The following NPAS3 variants were observed in gnomAD, a reference collection of about 807,000 sequenced individuals.
NPAS3 encodes the protein neuronal PAS domain-containing protein 3.
NPAS3 carries 14 observed loss-of-function variants against 73.1 expected under a neutral mutation model. That is an observed-to-expected ratio of 0.19 (90% CI 0.13 to 0.30). NPAS3 has a LOEUF of 0.30. Among genes scored for constraint, NPAS3 ranks in the 10% least tolerant of loss-of-function variants. The probability of loss-of-function intolerance (pLI) is 1.00; values close to 1 mark genes in which losing one functional copy is unlikely to be tolerated. For synonymous variants in NPAS3, 620 were observed against 541.5 expected (o/e 1.14, Z -2.01); for missense variants, 1,096 against 1,250.0 (o/e 0.88, Z 1.86).
chr14:33,185,502 C>T (rs1012030515), intron 2 of NPAS3, among the ~76,000 whole-genome samples: 1 of 152,140 alleles, frequency 6.6e-6, no homozygotes, highest in African/African-American at 2.4e-5. Flanking sequence ...ATCATTTCCT[C>T]CTATATTTAT....
chr14:33,634,187 G>T (rs2058453833), intron 5 of NPAS3, among the ~76,000 whole-genome samples: 1 of 152,160 alleles, frequency 6.6e-6, no homozygotes, highest in Admixed American at 6.5e-5. Context: ...CTTGCACTTT[G>T]CCAGGCACTA....
rs1001553378 is a variant in NPAS3 at position 33,797,635 on chromosome 14, G to C, written c.1426+54G>C. On this transcript the variant is annotated intron_variant, in intron 11 of 11. Transcript: ENST00000356141. ...AGTGAAGCTTGCCCACCACGCGCAG[G>C]GGGTGGGCAACAGCCAGAGGGCCAT... The C allele has an allele frequency of 4.4e-6, 7 of 1,591,582 alleles. No individual in the cohort carries two copies. In the Admixed American group the frequency reaches 5.1e-5, roughly 12 times the overall value.
intron 3 of NPAS3, among the ~76,000 whole-genome samples, chr14:33,228,270 A>C (rs777593058): frequency 1.6e-4 from 25 of 152,208 alleles, no homozygotes; most frequent in Non-Finnish European, 3.4e-4. Context: ...CATTTGATAA[A>C]GTGGAGGATA....
chr14:33,359,054 C>A (rs772945015), intron 3 of NPAS3, among the ~76,000 whole-genome samples: 5 of 152,142 alleles, frequency 3.3e-5, no homozygotes, highest in Non-Finnish European at 5.9e-5. Flanking sequence ...CTTCTTCTGG[C>A]AGGAAGCAAG....
intron 2 of NPAS3, among the ~76,000 whole-genome samples, chr14:33,138,762 T>A: frequency 6.6e-6 from 1 of 152,294 alleles, no homozygotes; most frequent in South Asian, 2.1e-4. Context: ...AAAATTTATA[T>A]GAAATTCTGC....
chr14:33,543,719 C>T (rs4462504), intron 4 of NPAS3, among the ~76,000 whole-genome samples: 65,532 of 151,800 alleles, frequency 0.43, 15,269 homozygotes, highest in African/African-American at 0.63. Context: ...TCTTGTCCCA[C>T]CTCTGCTTTG....
At chr14:33,676,168 C>G (rs1049933969) in intron 5 of NPAS3, 43 bp from the exon 6 acceptor site, 1 of 1,596,760 alleles carries the variant, frequency 6.3e-7, no homozygotes, top group Non-Finnish European at 8.6e-7. Context: ...ATGGAGAAGC[C>G]TATATAATGT....
intron 7 of NPAS3, among the ~76,000 whole-genome samples, chr14:33,757,998 G>A (rs72664573): frequency 2.0e-5 from 3 of 152,176 alleles, no homozygotes; most frequent in Non-Finnish European, 1.5e-5. Context: ...CCTTATAAAG[G>A]TTAATTAAAC....
intron 4 of NPAS3, among the ~76,000 whole-genome samples, chr14:33,445,568 A>T (rs1402093766): frequency 6.6e-6 from 1 of 152,254 alleles, no homozygotes; most frequent in South Asian, 2.1e-4. Flanking sequence ...ATAACAAAAA[A>T]TATGTTGACA....
At chr14:33,155,915 A>G (rs1017998765) in intron 2 of NPAS3, among the ~76,000 whole-genome samples, 2 of 152,248 alleles carry the variant, frequency 1.3e-5, no homozygotes, top group Admixed American at 6.5e-5. Context: ...CTCTCTCTTC[A>G]GATGCCCTCT....
intron 7 of NPAS3, among the ~76,000 whole-genome samples, chr14:33,755,867 C>T (rs769710943): frequency 1.3e-5 from 2 of 151,976 alleles, no homozygotes; most frequent in East Asian, 1.9e-4. Flanking sequence ...CTGGCAGGTG[C>T]GGTGATGCCA....
At chr14:33,182,905 C>T (rs186439831) in intron 2 of NPAS3, among the ~76,000 whole-genome samples, 2 of 152,338 alleles carry the variant, frequency 1.3e-5, no homozygotes, top group Admixed American at 1.3e-4. Flanking sequence ...CACTGTCTCT[C>T]ATGCTCTGCC....
chr14:33,068,910 G>A (rs2041377229), intron 2 of NPAS3, among the ~76,000 whole-genome samples: 1 of 152,134 alleles, frequency 6.6e-6, no homozygotes, highest in Admixed American at 6.5e-5. Flanking sequence ...ACAGTGGCAG[G>A]AGACAGGTCA....
chr14:33,471,105 G>T (rs1415171086), intron 4 of NPAS3, among the ~76,000 whole-genome samples: 2 of 152,104 alleles, frequency 1.3e-5, no homozygotes, highest in African/African-American at 4.8e-5. Context: ...TAGCTCTTCT[G>T]AGTTAATAAC....
intron 10 of NPAS3, among the ~76,000 whole-genome samples, chr14:33,796,555 C>T (rs1436565482): frequency 2.0e-5 from 3 of 152,140 alleles, no homozygotes; most frequent in African/African-American, 7.2e-5. Flanking sequence ...AATTTTAAGT[C>T]TCTGCTTGGC....
chr14:33,306,061 C>T (rs1489880920), intron 3 of NPAS3, among the ~76,000 whole-genome samples: 1 of 151,940 alleles, frequency 6.6e-6, no homozygotes, highest in African/African-American at 2.4e-5. Flanking sequence ...TATACTGTTT[C>T]CCCCATATTC....
upstream of NPAS3, among the ~76,000 whole-genome samples, chr14:32,937,420 G>A (rs901455383): frequency 2.0e-5 from 3 of 151,898 alleles, no homozygotes; most frequent in Non-Finnish European, 4.4e-5. Context: ...TGTCATCTTC[G>A]GGCAGAAACC....
chr14:33,140,644 C>A (rs2044011919), intron 2 of NPAS3, among the ~76,000 whole-genome samples: 1 of 152,016 alleles, frequency 6.6e-6, no homozygotes, highest in Non-Finnish European at 1.5e-5. Flanking sequence ...CCCATCGATG[C>A]AGGATTATAA....
chr14:33,770,560 T>C (rs545600127), intron 7 of NPAS3, among the ~76,000 whole-genome samples: 1 of 152,294 alleles, frequency 6.6e-6, no homozygotes, highest in East Asian at 1.9e-4. Context: ...AGGTCCCTCA[T>C]AGATTATGTG....
Sources: allele counts gnomAD v4.1 joint callset (sites outside exome capture counted in the v4.1 genomes callset), GRCh38; gene constraint gnomAD v4.1.1; transcripts MANE v1.5; gene names NCBI Gene and HGNC (gene_info 2026-07-23, HGNC 2026-07-21).